MAPT: variants seen among roughly 807,000 people sequenced by gnomAD.
The protein encoded by MAPT is microtubule associated protein tau, also known as microtubule-associated protein tau.
In MAPT, 34 loss-of-function variants were observed where a neutral mutation model predicts 67.9. The ratio of observed to expected loss-of-function variants is 0.50; its 90% confidence interval spans 0.38 to 0.67. The LOEUF is 0.67. MAPT is among the 30% of genes least tolerant of loss of function. The probability of loss-of-function intolerance (pLI) is 0.00; values close to 1 mark genes in which losing one functional copy is unlikely to be tolerated. For synonymous variants in MAPT, 456 were observed against 464.5 expected, an observed-to-expected ratio of 0.98 and a Z score of 0.23; for missense variants, 881 against 1,115.2, an observed-to-expected ratio of 0.79 and a Z score of 2.99.
intron 1 of MAPT, among the ~76,000 whole-genome samples, chr17:45,919,634 G>A (rs1448870965): frequency 6.6e-6 from 1 of 152,258 alleles, no homozygotes; most frequent in Non-Finnish European, 1.5e-5. Flanking sequence ...GGGTTGGGGC[G>A]CAGTGGCTCA....
At chr17:46,019,760 C>T (rs900811372) in intron 12 of MAPT, among the ~76,000 whole-genome samples, 3 of 151,236 alleles carry the variant, frequency 2.0e-5, no homozygotes, top group Non-Finnish European at 2.9e-5. Context: ...GCCTGTAATC[C>T]CAGCACCTTG....
chr17:46,010,244 G>T lies in MAPT; in HGVS notation c.1999-66G>T, dbSNP rs931890173. The T allele has an allele frequency of 3.6e-6, 4 of 1,099,202 alleles. No individual in the cohort carries two copies. In the African/African-American group the frequency reaches 6.2e-5, roughly 17 times the overall value. The allele number at this position is 1,099,202 out of a possible 1,614,324, so 68.1% of individuals were successfully genotyped here. A position where few individuals can be genotyped will look rare whatever the true frequency, so the allele number is the denominator to read the frequency against. On this transcript the variant is annotated intron_variant, in intron 9 of 12. Transcript: ENST00000262410. This position sits in a 1 kb window ranked among gnomAD's most constrained non-coding sequence, Gnocchi z 4.7. Reference sequence around the variant, plus strand: ...CATGTCACTCATCGAAAGTGGAGGCGTCCTTGCGAGCAAGCAGGCGGGTCC... The same window carrying T: ...CATGTCACTCATCGAAAGTGGAGGCTTCCTTGCGAGCAAGCAGGCGGGTCC...
intron 1 of MAPT, among the ~76,000 whole-genome samples, chr17:45,944,453 G>A (rs2068276915): frequency 1.3e-5 from 2 of 152,354 alleles, no homozygotes; most frequent in Non-Finnish European, 1.5e-5. Context: ...GGGGTTGGGG[G>A]CGAGTGGCCT....
intron 2 of MAPT, among the ~76,000 whole-genome samples, chr17:45,964,364 C>A (rs1389813701): frequency 8.6e-6 from 1 of 116,846 alleles, no homozygotes; most frequent in Non-Finnish European, 1.7e-5. Context: ...CCCCTCCCCC[C>A]ACCCCCTGTT....
chr17:45,895,025 C>T, intron 1 of MAPT: 1 of 153,954 alleles, frequency 6.5e-6, no homozygotes, highest in Non-Finnish European at 1.4e-5. Context: ...TCACTCTCGA[C>T]TGCAGCCTTT....
At chr17:45,899,735 G>A (rs1376662557) in intron 1 of MAPT, among the ~76,000 whole-genome samples, 1 of 152,196 alleles carries the variant, frequency 6.6e-6, no homozygotes, top group Non-Finnish European at 1.5e-5. Context: ...ATAAGGTTAG[G>A]GAGATGTGGA....
At chr17:45,989,576 A>G (rs1276984311) in intron 6 of MAPT, among the ~76,000 whole-genome samples, 1 of 152,146 alleles carries the variant, frequency 6.6e-6, no homozygotes, top group African/African-American at 2.4e-5. Flanking sequence ...GCGTGAACCC[A>G]GGAGGCAGAG....
At chr17:45,964,749 T>G (rs2070858855) in intron 2 of MAPT, among the ~76,000 whole-genome samples, 2 of 151,910 alleles carry the variant, frequency 1.3e-5, no homozygotes, top group Admixed American at 1.3e-4. Flanking sequence ...ACTGAATTTT[T>G]CCACCTCCTC....
At chr17:45,990,319 A>T (rs949026639) in intron 7 of MAPT, among the ~76,000 whole-genome samples, 2 of 152,058 alleles carry the variant, frequency 1.3e-5, no homozygotes, top group African/African-American at 4.8e-5. Context: ...TGGTTTCGAA[A>T]TCGCTACTCT....
Position 46,027,210 on chromosome 17 carries a change from CCTT to C in MAPT, c.*3043_*3045del, listed in dbSNP as rs67656733. Reference sequence around the variant, plus strand: ...GTGCCCTGCTCTTCAGCACCATGGGCCTTCTTATACGGAAGGCTCTGGGATCTC... The same window carrying C: ...GTGCCCTGCTCTTCAGCACCATGGGCCTTATACGGAAGGCTCTGGGATCTC... On this transcript the variant is annotated 3_prime_UTR_variant, in exon 13 of 13. Coordinates refer to ENST00000262410, the MANE Select transcript of MAPT (RefSeq NM_001377265.1). 34,030 of 152,220 alleles carry C rather than the reference CCTT, an allele frequency of 0.22. 4,319 individuals are homozygous for C. Among genetic ancestry groups the C allele is most frequent in the African/African-American group, 0.32 (13,229 of 41,448 alleles). 9.4% of individuals were successfully genotyped at this position (152,220 alleles called of 1,614,324 possible).
At chr17:46,002,192 G>A (rs1216363833) in intron 9 of MAPT, among the ~76,000 whole-genome samples, 1 of 152,206 alleles carries the variant, frequency 6.6e-6, no homozygotes, top group Non-Finnish European at 1.5e-5. Context: ...CAGGACAGAG[G>A]GTGGTGGACG....
intron 6 of MAPT, 45 bp from the exon 7 acceptor site, chr17:45,989,833 C>T (rs1265893846): frequency 6.5e-7 from 1 of 1,548,094 alleles, no homozygotes; most frequent in Non-Finnish European, 8.9e-7. Flanking sequence ...TTCCCTCCTC[C>T]ATGTGCTGAC....
At chr17:45,931,288 G>A (rs900851440) in intron 1 of MAPT, among the ~76,000 whole-genome samples, 1 of 152,134 alleles carries the variant, frequency 6.6e-6, no homozygotes, top group Non-Finnish European at 1.5e-5. Flanking sequence ...AGAAATAATC[G>A]TGTAATGAAA....
Sources: gnomAD v4.1 joint callset for allele counts (sites outside exome capture counted in the v4.1 genomes callset) on GRCh38, gnomAD v4.1.1 for gene constraint, Gnocchi (gnomAD v3.1) non-coding constraint, MANE v1.5 for transcripts, NCBI Gene and HGNC (gene_info 2026-07-23, HGNC 2026-07-21) for gene names.